EYA4: variants seen among roughly 807,000 people sequenced by gnomAD.
EYA4 encodes EYA transcriptional coactivator and phosphatase 4.
A neutral mutation model predicts 87.9 loss-of-function variants in EYA4; 31 were observed. The ratio of observed to expected loss-of-function variants is 0.35; its 90% confidence interval spans 0.27 to 0.48. The LOEUF is 0.48. EYA4 is among the 20% of genes least tolerant of loss of function. The pLI is 0.99. For synonymous variants in EYA4, 263 were observed against 270.6 expected (o/e 0.97, Z 0.28); for missense variants, 678 against 761.4 (o/e 0.89, Z 1.29).
intron 2 of EYA4, among the ~76,000 whole-genome samples, chr6:133,276,340 A>G (rs1239462279): frequency 1.3e-5 from 2 of 152,214 alleles, no homozygotes; most frequent in Non-Finnish European, 2.9e-5. Context: ...AAAGCACACA[A>G]AGTTTGGGGG....
chr6:133,376,460 GA>G (rs1785691067), intron 2 of EYA4, among the ~76,000 whole-genome samples: 1 of 151,726 alleles, frequency 6.6e-6, no homozygotes, highest in Non-Finnish European at 1.5e-5. Flanking sequence ...GAGATCTTTT[GA>G]AAATGTCTTC....
chr6:133,262,687 A>G (rs1057252728), intron 1 of EYA4, among the ~76,000 whole-genome samples: 1 of 152,212 alleles, frequency 6.6e-6, no homozygotes, highest in East Asian at 1.9e-4. Context: ...GATTCTCACA[A>G]AGTAGAGCTT....
At chr6:133,527,731 A>G (rs747859437) in intron 19 of EYA4, among the ~76,000 whole-genome samples, 5 of 152,178 alleles carry the variant, frequency 3.3e-5, no homozygotes, top group Non-Finnish European at 7.3e-5. Flanking sequence ...AATAAGGATT[A>G]TTATGCTACT....
At chr6:133,281,044 C>T (rs1777582850) in intron 2 of EYA4, among the ~76,000 whole-genome samples, 1 of 152,180 alleles carries the variant, frequency 6.6e-6, no homozygotes, top group Admixed American at 6.5e-5. Flanking sequence ...TAGCATGAAT[C>T]AGTACTTAGT....
chr6:133,361,243 G>A (rs1481329823), intron 2 of EYA4, among the ~76,000 whole-genome samples: 2 of 152,110 alleles, frequency 1.3e-5, no homozygotes, highest in Non-Finnish European at 2.9e-5. Flanking sequence ...GCAAAAGCAG[G>A]CATGCTTACT....
chr6:133,316,336 T>A lies in EYA4; in HGVS notation c.33+41523T>A, dbSNP rs143459334. On this transcript the variant is annotated intron_variant, in intron 2 of 19. Transcript: ENST00000355286. ...ATACAATCCTCCCACCGTGCATAAT[T>A]ACAGTCCCCAAGGTAAAAATCTGAC... is the stretch of plus-strand genomic sequence containing the variant. Among the ~76,000 whole-genome samples, 522 of 152,300 alleles carry A rather than the reference T, an allele frequency of 3.4e-3. 2 individuals carry two copies. The highest frequency in any genetic ancestry group is 0.012 in the African/African-American group (488 of 41,576).
At position 133,241,670 on chromosome 6, in the gene EYA4, GAATA is replaced by G. The variant is rs1773948842; in HGVS notation, c.-140_-137del. 1 of 152,298 alleles carries G rather than the reference GAATA, an allele frequency of 6.6e-6. No homozygotes were observed. The highest frequency in any genetic ancestry group is 1.5e-5 in the Non-Finnish European group (1 of 68,126). The allele number at this position is 152,298 out of a possible 1,614,324, so 9.4% of individuals were successfully genotyped here. ...GAAACTTCGACACTGGAAGGAACGAGAATAAATACTTAATTACGGACGCACTGAA... is the reference window on the plus strand; with the variant it reads ...GAAACTTCGACACTGGAAGGAACGAGAATACTTAATTACGGACGCACTGAA... On this transcript the variant is annotated 5_prime_UTR_variant, in exon 1 of 20. The change abolishes the stop of an existing upstream ORF in the 5' untranslated region. Coordinates refer to ENST00000355286, the MANE Select transcript of EYA4 (RefSeq NM_004100.5).
chr6:133,513,093 A>G (rs1799298416), intron 16 of EYA4, 55 bp downstream of exon 16: 1 of 1,502,958 alleles, frequency 6.7e-7, no homozygotes, highest in Non-Finnish European at 9.3e-7. Context: ...GTAGAATTCA[A>G]TCTGTAGTTT....
At chr6:133,449,885 G>T (rs1290372204) in intron 5 of EYA4, among the ~76,000 whole-genome samples, 1 of 152,102 alleles carries the variant, frequency 6.6e-6, no homozygotes, top group African/African-American at 2.4e-5. Flanking sequence ...GTGTAAACTG[G>T]GCTAAAGAAA....
intron 3 of EYA4, among the ~76,000 whole-genome samples, chr6:133,422,180 CA>C (rs936558845): frequency 3.3e-5 from 5 of 152,136 alleles, no homozygotes; most frequent in Non-Finnish European, 7.4e-5. Flanking sequence ...ATAAACACTA[CA>C]GACTCTGATG....
In EYA4 at chr6:133,530,334, A is replaced by T; in HGVS notation, c.*1529A>T. On this transcript the variant is annotated 3_prime_UTR_variant, in exon 20 of 20. Coordinates refer to ENST00000355286, the MANE Select transcript of EYA4 (RefSeq NM_004100.5). ...AAGAGCCCATCATCGTTGTGTTTGC[A>T]TGGTTTTTTTCCTTGTGTGTAGCCC... 1.0e-6 allele frequency: 1 copy of T among 985,406 alleles called. No individual in the cohort carries two copies. Among genetic ancestry groups the T allele is most frequent in the Non-Finnish European group, 1.2e-6 (1 of 829,922 alleles). 61.0% of individuals were successfully genotyped at this position (985,406 alleles called of 1,614,324 possible).
chr6:133,439,583 G>A (rs945254657), intron 3 of EYA4: 1 of 152,198 alleles, frequency 6.6e-6, no homozygotes, highest in African/African-American at 2.4e-5. Context: ...TCTGTCCAGA[G>A]TTGTACAAAT....
chr6:133,360,073 A>G (rs1328167832), intron 2 of EYA4: 1 of 152,208 alleles, frequency 6.6e-6, no homozygotes, highest in Non-Finnish European at 1.5e-5. Context: ...TACTCATCAG[A>G]AAGGAAAGAA....
At chr6:133,298,224 A>G (rs2128308761) in intron 2 of EYA4, among the ~76,000 whole-genome samples, 1 of 152,274 alleles carries the variant, frequency 6.6e-6, no homozygotes, top group African/African-American at 2.4e-5. Flanking sequence ...GTGCTTCACT[A>G]AAGTCTTTGA....
intron 2 of EYA4, among the ~76,000 whole-genome samples, chr6:133,359,465 G>C (rs1241409083): frequency 2.0e-5 from 3 of 152,172 alleles, no homozygotes; most frequent in Admixed American, 6.5e-5. Context: ...TAGTTTTTCT[G>C]TCTGCTGTTG....
chr6:133,378,821 T>C (rs1305314047), intron 2 of EYA4, among the ~76,000 whole-genome samples: 2 of 152,042 alleles, frequency 1.3e-5, no homozygotes, highest in Non-Finnish European at 2.9e-5. Flanking sequence ...GTGCTTGGAA[T>C]TTTCCTGTAT....
At chr6:133,525,472 ATATT>A (rs1800559325) in intron 19 of EYA4, among the ~76,000 whole-genome samples, 1 of 152,156 alleles carries the variant, frequency 6.6e-6, no homozygotes, top group African/African-American at 2.4e-5. Context: ...AAATTTAGTT[ATATT>A]TATTTATGTG....
chr6:133,418,839 A>G, intron 3 of EYA4, among the ~76,000 whole-genome samples: 1 of 137,956 alleles, frequency 7.2e-6, no homozygotes, highest in East Asian at 2.3e-4. Flanking sequence ...CATATATTTG[A>G]AAAGAGAGAA....
chr6:133,415,659 T>C (rs1260294127), intron 3 of EYA4, among the ~76,000 whole-genome samples: 4 of 152,228 alleles, frequency 2.6e-5, no homozygotes, highest in Admixed American at 6.5e-5. Flanking sequence ...CCTGACATAA[T>C]GCACAATTTA....
Sources: gnomAD v4.1 joint callset for allele counts (sites outside exome capture counted in the v4.1 genomes callset) on GRCh38, gnomAD v4.1.1 for gene constraint, MANE v1.5 for transcripts, NCBI Gene and HGNC (gene_info 2026-07-23, HGNC 2026-07-21) for gene names.